Variants in WDPCP observed in about 807,000 individuals in gnomAD.
The protein encoded by WDPCP is WD repeat containing planar cell polarity effector.
A neutral mutation model predicts 93.1 loss-of-function variants in WDPCP; 71 were observed. The observed-to-expected ratio is 0.76, with a 90% CI of 0.63 to 0.93. The LOEUF (loss-of-function observed/expected upper bound fraction) is 0.93, where lower values mean the gene tolerates loss of function less well. WDPCP is among the 40% of genes least tolerant of loss of function. The pLI is 0.00. For missense variants in WDPCP, 844 were observed against 887.4 expected (o/e 0.95, Z 0.62); for synonymous variants, 315 against 315.0 (o/e 1.00, Z 0.00).
At chr2:63,300,085 T>A (rs570026709) in intron 13 of WDPCP, among the ~76,000 whole-genome samples, 1 of 152,062 alleles carries the variant, frequency 6.6e-6, no homozygotes, top group Non-Finnish European at 1.5e-5. Context: ...GAGCCCTATA[T>A]AAATCAGACA....
chr2:63,479,024 CA>C (rs796235188), intron 6 of WDPCP, among the ~76,000 whole-genome samples: 7,456 of 140,802 alleles, frequency 0.053, 216 homozygotes, highest in African/African-American at 0.058. Flanking sequence ...CACAGAAATA[CA>C]AAAAAAAAAA....
intron 1 of WDPCP, among the ~76,000 whole-genome samples, chr2:63,503,757 GAATA>G (rs1701700189): frequency 6.6e-6 from 1 of 151,934 alleles, no homozygotes; most frequent in Non-Finnish European, 1.5e-5. Flanking sequence ...TGAATTTCAG[GAATA>G]ACTCCTAAAT....
intron 1 of WDPCP, among the ~76,000 whole-genome samples, chr2:63,567,017 G>C (rs1032575107): frequency 6.6e-6 from 1 of 152,128 alleles, no homozygotes; most frequent in African/African-American, 2.4e-5. Context: ...GGTCGGGGGT[G>C]GTGTGGTTGT....
intron 1 of WDPCP, among the ~76,000 whole-genome samples, chr2:63,569,639 C>T (rs1029756398): frequency 1.3e-5 from 2 of 152,172 alleles, no homozygotes; most frequent in African/African-American, 2.4e-5. Flanking sequence ...TACTCAATTT[C>T]CTCACAAACA....
intron 14 of WDPCP, among the ~76,000 whole-genome samples, chr2:63,208,375 A>T (rs1022494343): frequency 2.6e-5 from 4 of 151,982 alleles, no homozygotes; most frequent in African/African-American, 7.2e-5. Flanking sequence ...GGAGCTTCTG[A>T]GTTTGTTGTG....
intron 13 of WDPCP, among the ~76,000 whole-genome samples, chr2:63,269,684 A>G (rs1164381501): frequency 1.3e-5 from 2 of 152,152 alleles, no homozygotes; most frequent in African/African-American, 2.4e-5. Flanking sequence ...CCTAGGATTG[A>G]TAGGTTTCTA....
At chr2:63,612,918 C>CCTTT (rs1240229426) in intron 3 of WDPCP, among the ~76,000 whole-genome samples, 1 of 150,696 alleles carries the variant, frequency 6.6e-6, no homozygotes, top group African/African-American at 2.4e-5. Context: ...CTTTTCTTTT[C>CCTTT]CTTTCTTTCT....
intron 15 of WDPCP, among the ~76,000 whole-genome samples, chr2:63,172,844 T>C (rs1673499782): frequency 6.6e-6 from 1 of 152,136 alleles, no homozygotes; most frequent in Non-Finnish European, 1.5e-5. Context: ...AAAGGATAGC[T>C]TCTCAGGGAA....
intron 15 of WDPCP, among the ~76,000 whole-genome samples, chr2:63,162,949 G>T (rs760019925): frequency 7.2e-5 from 11 of 152,040 alleles, no homozygotes; most frequent in Non-Finnish European, 1.3e-4. Context: ...CATAAATTTT[G>T]GTGCCTTAGA....
chr2:63,794,586 CT>C (rs1670589765), intron 2 of WDPCP, among the ~76,000 whole-genome samples: 1 of 152,306 alleles, frequency 6.6e-6, no homozygotes, highest in East Asian at 1.9e-4. Flanking sequence ...AGGAAACCAC[CT>C]TAGGATAAGC....
At chr2:63,414,747 C>T (rs1018703211) in intron 9 of WDPCP, among the ~76,000 whole-genome samples, 3 of 152,002 alleles carry the variant, frequency 2.0e-5, no homozygotes, top group South Asian at 2.1e-4. Flanking sequence ...AGGGGAGAAG[C>T]GATAAAAGAC....
intron 2 of WDPCP, among the ~76,000 whole-genome samples, chr2:63,709,936 A>C (rs982465682): frequency 2.0e-5 from 3 of 152,214 alleles, no homozygotes; most frequent in Non-Finnish European, 2.9e-5. Flanking sequence ...TTTTAAAATC[A>C]AGGGGTAAAA....
chr2:63,547,324 C>T (rs1705227260), intron 1 of WDPCP, among the ~76,000 whole-genome samples: 1 of 151,986 alleles, frequency 6.6e-6, no homozygotes, highest in South Asian at 2.1e-4. Flanking sequence ...GAACATAAAT[C>T]AATACAGCCA....
intron 9 of WDPCP, among the ~76,000 whole-genome samples, chr2:63,409,608 G>T (rs1694876425): frequency 1.3e-5 from 2 of 152,102 alleles, no homozygotes; most frequent in African/African-American, 4.8e-5. Context: ...ATCAGGGAGG[G>T]ACCAGAGAAA....
intron 12 of WDPCP, among the ~76,000 whole-genome samples, chr2:63,313,887 T>TATA (rs1268057820): frequency 5.2e-4 from 30 of 57,656 alleles, no homozygotes; most frequent in East Asian, 2.5e-3. Flanking sequence ...TATATATATA[T>TATA]TTTTTTTTTT....
chr2:63,457,695 G>T (rs552432024), intron 6 of WDPCP, among the ~76,000 whole-genome samples: 4 of 152,068 alleles, frequency 2.6e-5, no homozygotes, highest in African/African-American at 9.6e-5. Context: ...CAGAATGAAA[G>T]ACAAAAATTA....
At chr2:63,392,393 G>T (rs187612783) in intron 10 of WDPCP, among the ~76,000 whole-genome samples, 2 of 152,294 alleles carry the variant, frequency 1.3e-5, no homozygotes, top group African/African-American at 2.4e-5. Flanking sequence ...ATTCAAGATG[G>T]ATCAAAGATT....
intron 10 of WDPCP, among the ~76,000 whole-genome samples, chr2:63,396,930 C>A (rs7603476): frequency 0.56 from 85,729 of 151,884 alleles, 24,520 homozygotes; most frequent in Admixed American, 0.64. Context: ...GTTTTCGTTC[C>A]TGCATTTGTT....
chr2:63,151,233 T>G (rs1356725655), intron 17 of WDPCP, among the ~76,000 whole-genome samples: 2 of 152,206 alleles, frequency 1.3e-5, no homozygotes, highest in African/African-American at 4.8e-5. Context: ...GTTTGTTTGC[T>G]TATTTCAAGA....
Sources: allele counts gnomAD v4.1 joint callset (sites outside exome capture counted in the v4.1 genomes callset), GRCh38; gene constraint gnomAD v4.1.1; transcripts MANE v1.5; gene names NCBI Gene and HGNC (gene_info 2026-07-23, HGNC 2026-07-21).